The following EPHB1 variants were observed in gnomAD, a reference collection of about 807,000 sequenced individuals.
The protein encoded by EPHB1 is ephrin type-B receptor 1.
EPHB1 carries 30 observed loss-of-function variants against 94.4 expected under a neutral mutation model. The observed-to-expected ratio is 0.32, with a 90% CI of 0.24 to 0.43. The LOEUF (loss-of-function observed/expected upper bound fraction) is 0.43. Among genes scored for constraint, EPHB1 ranks in the 20% least tolerant of loss-of-function variants. EPHB1 has a pLI of 1.00. For synonymous variants in EPHB1, 522 were observed against 489.1 expected (o/e 1.07, Z -0.89); for missense variants, 1,055 against 1,308.3 (o/e 0.81, Z 2.99).
At position 135,049,804 on chromosome 3, in the gene EPHB1, C is replaced by T. The variant is rs186501412; in HGVS notation, c.806-56644C>T. On this transcript the variant is annotated intron_variant, in intron 3 of 15. Transcript: ENST00000398015. ...GGTTTCTATGTGAGGACACAGGTGA[C>T]GAAACCAGGCCTCCTGTCCATGAGG... Among the ~76,000 whole-genome samples, 82 of 152,252 alleles carry T rather than the reference C, an allele frequency of 5.4e-4. 2 individuals are homozygous for T. The East Asian group carries it at 0.012, about 22-fold the overall frequency.
chr3:134,981,863 A>G (rs1386927467), intron 3 of EPHB1, among the ~76,000 whole-genome samples: 1 of 152,234 alleles, frequency 6.6e-6, no homozygotes, highest in East Asian at 1.9e-4. Flanking sequence ...GCCAGTATTA[A>G]TGGATTCTTC....
chr3:135,168,252 G>T (rs1941705258), intron 9 of EPHB1, among the ~76,000 whole-genome samples: 1 of 152,246 alleles, frequency 6.6e-6, no homozygotes, highest in South Asian at 2.1e-4. Context: ...TGTGGGTTCT[G>T]CACTGGCTCG....
At chr3:135,201,436 C>T (rs1306151469) in intron 11 of EPHB1, 38 bp from the exon 12 acceptor site, 2 of 1,604,104 alleles carry the variant, frequency 1.2e-6, no homozygotes, top group Non-Finnish European at 1.7e-6. Flanking sequence ...ACCATTGAAG[C>T]CCGTCTTGAT....
chr3:134,870,640 T>C lies in EPHB1; in HGVS notation c.59-55176T>C, dbSNP rs543366065. The stretch of plus-strand genomic sequence containing the variant: ...CCCAGATTGGCAGCACAGCCTGATA[T>C]CAACTGTGACATGCTGGGACAACCT... On this transcript the variant is annotated intron_variant, in intron 1 of 15. Coordinates refer to ENST00000398015, the MANE Select transcript of EPHB1 (RefSeq NM_004441.5). Among the ~76,000 whole-genome samples, 5 of 152,300 alleles carry C rather than the reference T, an allele frequency of 3.3e-5. No individual in the cohort carries two copies. In the East Asian group the frequency reaches 9.7e-4, roughly 29 times the overall value.
intron 1 of EPHB1, among the ~76,000 whole-genome samples, chr3:134,829,789 G>A (rs1267225432): frequency 2.0e-5 from 3 of 152,132 alleles, no homozygotes. Flanking sequence ...CATGACTGGT[G>A]TCCTTATAAA....
chr3:134,829,914 A>G (rs2036550229), intron 1 of EPHB1, among the ~76,000 whole-genome samples: 1 of 152,240 alleles, frequency 6.6e-6, no homozygotes, highest in African/African-American at 2.4e-5. Flanking sequence ...CCAGCAAACC[A>G]TCAGAAGCTA....
intron 3 of EPHB1, among the ~76,000 whole-genome samples, chr3:134,972,703 T>C (rs1321313192): frequency 6.6e-6 from 1 of 151,946 alleles, no homozygotes; most frequent in Non-Finnish European, 1.5e-5. Context: ...AAGAAGAGAC[T>C]TGACAGATTT....
At chr3:134,900,873 C>G (rs780345659) in intron 1 of EPHB1, among the ~76,000 whole-genome samples, 2 of 152,056 alleles carry the variant, frequency 1.3e-5, no homozygotes, top group African/African-American at 2.4e-5. Context: ...GTTGGAAGGT[C>G]TCAATGGACC....
At chr3:134,979,053 A>G (rs1210304978) in intron 3 of EPHB1, among the ~76,000 whole-genome samples, 1 of 152,194 alleles carries the variant, frequency 6.6e-6, no homozygotes, top group South Asian at 2.1e-4. Flanking sequence ...TGGCCTCATA[A>G]TGTGGCTTAT....
In EPHB1 at chr3:134,972,007, T is replaced by C. The variant is rs183558700; in HGVS notation, c.805+19955T>C. On this transcript the variant is annotated intron_variant, in intron 3 of 15. Coordinates refer to ENST00000398015, the MANE Select transcript of EPHB1 (RefSeq NM_004441.5). ...TTTTAATGAAGACTCCCATTAACAC[T>C]TATAATAATTCACAGAAAAGAAGCC... Among the ~76,000 whole-genome samples, 131 of 152,292 alleles carry C rather than the reference T, an allele frequency of 8.6e-4. 1 individual carries two copies. Among genetic ancestry groups the C allele is most frequent in the Admixed American group, 1.6e-3 (24 of 15,302 alleles).
Position 134,956,501 on chromosome 3 carries a change from C to T in EPHB1, c.805+4449C>T, listed in dbSNP as rs181484824. Among the ~76,000 whole-genome samples the T allele has an allele frequency of 1.8e-4, 28 of 152,242 alleles. No individual in the cohort carries two copies. In the East Asian group the frequency reaches 4.3e-3, roughly 23 times the overall value. ...CCTTAGCTTGCTATTACAGAGGGCA[C>T]GTGCCAACTTATGGTGCCTAGGCCT... On this transcript the variant is annotated intron_variant, in intron 3 of 15. Transcript: ENST00000398015.
chr3:134,803,422 A>G (rs2035970903), intron 1 of EPHB1, among the ~76,000 whole-genome samples: 1 of 152,122 alleles, frequency 6.6e-6, no homozygotes, highest in Non-Finnish European at 1.5e-5. Flanking sequence ...GGGACTGATT[A>G]CGGGGGCCAT....
intron 12 of EPHB1, among the ~76,000 whole-genome samples, chr3:135,222,498 C>G (rs1454635065): frequency 6.6e-6 from 1 of 152,074 alleles, no homozygotes; most frequent in Non-Finnish European, 1.5e-5. Context: ...AAAGAGAAAG[C>G]CTTAGCACAA....
intron 1 of EPHB1, among the ~76,000 whole-genome samples, chr3:134,882,813 T>TCTTTCTTTCTTTC (rs2037781415): frequency 1.2e-5 from 1 of 82,426 alleles, no homozygotes; most frequent in Non-Finnish European, 2.8e-5. Flanking sequence ...TTTCTTTCTT[T>TCTTTCTTTCTTTC]CTTTCTTTCT....
chr3:135,056,345 T>C lies in EPHB1; in HGVS notation c.806-50103T>C, dbSNP rs373323914. 1.4e-3 allele frequency among the ~76,000 whole-genome samples: 216 copies of C among 152,320 alleles called. 2 individuals carry two copies. Among genetic ancestry groups the C allele is most frequent in the African/African-American group, 5.1e-3 (214 of 41,576 alleles). ...TCCGTCAGGCTGCGTCATCTCTCCA[T>C]GTGCTTGACACACCCTTCCCCTGTT... On this transcript the variant is annotated intron_variant, in intron 3 of 15. Coordinates refer to ENST00000398015, the MANE Select transcript of EPHB1 (RefSeq NM_004441.5).
Position 135,201,596 on chromosome 3 carries a change from G to T in EPHB1, c.2253G>T (p.Leu751=), listed in dbSNP as rs765122124. ...VHRDLAARNI[L]VNSNLVCKVS... ...GGGACCTGGCTGCTAGGAACATTCT[G>T]GTCAACAGTAACCTGGTGTGCAAGG... The change falls in exon 12 of 16, where the codon CTG becomes CTT. Residue 751 remains leucine, a synonymous_variant. Transcript: ENST00000398015. The T allele has an allele frequency of 5.6e-6, 9 of 1,613,996 alleles. No individual in the cohort carries two copies. Among genetic ancestry groups the T allele is most frequent in the Middle Eastern group, 1.6e-4 (1 of 6,062 alleles).
At chr3:134,811,243 T>TTTTTTG (rs2036170562) in intron 1 of EPHB1, among the ~76,000 whole-genome samples, 2 of 21,874 alleles carry the variant, frequency 9.1e-5, no homozygotes, top group Admixed American at 1.5e-3. Flanking sequence ...ACTAAGAAGG[T>TTTTTTG]TTTTTTTTTT....
At chr3:135,250,923 G>A (rs567626283) in intron 15 of EPHB1, among the ~76,000 whole-genome samples, 3 of 152,210 alleles carry the variant, frequency 2.0e-5, no homozygotes, top group East Asian at 3.9e-4. Context: ...GGGACAAACC[G>A]GTTGCTGAGT....
At chr3:135,092,167 C>A (rs548498569) in intron 3 of EPHB1, among the ~76,000 whole-genome samples, 1 of 152,272 alleles carries the variant, frequency 6.6e-6, no homozygotes, top group Admixed American at 6.5e-5. Context: ...ACACTGGCAG[C>A]CGGGCACTGA....
Sources: gnomAD v4.1 joint callset for allele counts (sites outside exome capture counted in the v4.1 genomes callset) on GRCh38, gnomAD v4.1.1 for gene constraint, MANE v1.5 for transcripts, NCBI Gene and HGNC (gene_info 2026-07-23, HGNC 2026-07-21) for gene names.